AP1M2: variants seen among roughly 807,000 people sequenced by gnomAD.
AP1M2 encodes AP-1 complex subunit mu-2.
A neutral mutation model predicts 54.6 loss-of-function variants in AP1M2; 41 were observed. The observed-to-expected ratio is 0.75, with a 90% CI of 0.59 to 0.97. AP1M2 has a LOEUF of 0.97. Among genes scored for constraint, AP1M2 ranks in the 50% least tolerant of loss-of-function variants. The pLI is 0.00. For missense variants in AP1M2, 507 were observed against 561.2 expected (o/e 0.90, Z 0.98); for synonymous variants, 219 against 215.9 (o/e 1.01, Z -0.13).
At position 10,583,947 on chromosome 19, in the gene AP1M2, G is replaced by A. The variant is rs764434643; in HGVS notation, c.166C>T (p.His56Tyr). Residue 56 changes from histidine to tyrosine, a missense_variant, in exon 2 of 12, where the codon CAC (histidine) becomes TAC (tyrosine). By Grantham distance (83) the His-to-Tyr change is moderately conservative. Transcript: ENST00000250244. The stretch of plus-strand genomic sequence containing the variant: ...TTGCTGTGTTTGATCCATAGGAAGT[G>A]GACCTGGCCGTGGCTCAGCAGCGGG... ...LAPLLSHGQV[H>Y]FLWIKHSNLY... is the part of the protein sequence containing the mutation. 6 of 1,601,890 alleles carry A rather than the reference G, an allele frequency of 3.7e-6. No individual in the cohort carries two copies. The highest frequency in any genetic ancestry group is 5.1e-6 in the Non-Finnish European group (6 of 1,174,488).
chr19:10,579,012 CTTCTT>C, intron 7 of AP1M2, 49 bp from the exon 8 acceptor site: 1 of 930,736 alleles, frequency 1.1e-6, no homozygotes. Context: ...TGTTGACTCT[CTTCTT>C]TTTTTTTTTT....
At position 10,579,807 on chromosome 19, in the gene AP1M2, A is replaced by G. The variant is rs527481947; in HGVS notation, c.725T>C (p.Val242Ala). Residue 242 changes from valine (V) to alanine (A), a missense_variant, in exon 7 of 12, where the codon GTG (valine) becomes GCG (alanine). Coordinates refer to ENST00000250244, the MANE Select transcript of AP1M2 (RefSeq NM_005498.5). ...ELEDVKFHQCVRLSRFDNDRT... is the reference protein window; with the variant it reads ...ELEDVKFHQCARLSRFDNDRT... Reference sequence around the variant, plus strand: ...GTCGTTGTCAAAGCGAGAGAGCCGCACGCACTGGTGGAATTTTACATCCTC... The same window carrying G: ...GTCGTTGTCAAAGCGAGAGAGCCGCGCGCACTGGTGGAATTTTACATCCTC... The G allele has an allele frequency of 6.2e-7, 1 of 1,613,572 alleles. No individual in the cohort carries two copies. Among genetic ancestry groups the G allele is most frequent in the African/African-American group, 1.3e-5 (1 of 75,016 alleles).
chr19:10,585,673 G>A (rs915358369), intron 1 of AP1M2, among the ~76,000 whole-genome samples: 1 of 151,398 alleles, frequency 6.6e-6, no homozygotes, highest in South Asian at 2.1e-4. Context: ...GTGACAGAGC[G>A]AGACTCCATC....
intron 1 of AP1M2, among the ~76,000 whole-genome samples, chr19:10,586,094 C>T (rs1047272267): frequency 1.4e-4 from 21 of 152,018 alleles, no homozygotes; most frequent in African/African-American, 4.6e-4. Flanking sequence ...CCATCCTGCC[C>T]AACATGGTGA....
intron 8 of AP1M2, among the ~76,000 whole-genome samples, chr19:10,578,633 C>T (rs1303889975): frequency 6.6e-6 from 1 of 151,844 alleles, no homozygotes; most frequent in Non-Finnish European, 1.5e-5. Context: ...CTCACTACAA[C>T]CTCCTCCTCC....
At chr19:10,586,649 G>A (rs986837395) in intron 1 of AP1M2, among the ~76,000 whole-genome samples, 1 of 151,930 alleles carries the variant, frequency 6.6e-6, no homozygotes, top group African/African-American at 2.4e-5. Flanking sequence ...CAGGAGGATC[G>A]CTTGAGCCCA....
chr19:10,586,342 C>G (rs1917653737), intron 1 of AP1M2, among the ~76,000 whole-genome samples: 1 of 145,880 alleles, frequency 6.9e-6, no homozygotes, highest in South Asian at 2.2e-4. Context: ...GTAGTCCCAG[C>G]TACTCGGGAG....
At chr19:10,580,000 T>C in intron 6 of AP1M2, 142 bp from the exon 7 acceptor site, 1 of 704,640 alleles carries the variant, frequency 1.4e-6, no homozygotes, top group Non-Finnish European at 2.2e-6. Context: ...ACTGGCACAG[T>C]AGAGCTGGAA....
Position 10,583,978 on chromosome 19 carries a change from G to A in AP1M2, c.135C>T (p.Ala45=), listed in dbSNP as rs1295742876. 2 of 1,605,528 alleles carry A rather than the reference G, an allele frequency of 1.2e-6. No homozygotes were observed. The highest frequency in any genetic ancestry group is 8.5e-7 in the Non-Finnish European group (1 of 1,176,268). The part of the protein sequence containing the change: ...PLLVQREEEG[A]LAPLLSHGQV... ...GGCCGTGGCTCAGCAGCGGGGCCAG[G>A]GCGCCTTCCTCCTCCCGCTGTACCA... Residue 45 remains alanine (A), a synonymous_variant, in exon 2 of 12, where the codon GCC becomes GCT. Coordinates refer to ENST00000250244, the MANE Select transcript of AP1M2 (RefSeq NM_005498.5).
Position 10,575,014 on chromosome 19 carries a change from A to G in AP1M2, c.1063T>C (p.Leu355=), listed in dbSNP as rs764217218. The change falls in exon 10 of 12, where the codon TTG becomes CTG. Residue 355 remains leucine (L), a synonymous_variant. Transcript: ENST00000250244. Reference sequence around the variant, plus strand: ...GGGAGGCCAAAGTGGGCTCGCATCAAGTACTCCTTGCCCCCCTGAGGGAAC... The same window carrying G: ...GGGAGGCCAAAGTGGGCTCGCATCAGGTACTCCTTGCCCCCCTGAGGGAAC... ...IKSFPGGKEY[L]MRAHFGLPSV... 1.3e-6 allele frequency: 2 copies of G among 1,531,356 alleles called. No homozygotes were observed. Among genetic ancestry groups the G allele is most frequent in the South Asian group, 2.5e-5 (2 of 80,196 alleles). The allele number at this position is 1,531,356 out of a possible 1,614,324, so 94.9% of individuals were successfully genotyped here.
intron 2 of AP1M2, 110 bp downstream of exon 2, chr19:10,583,804 G>T: frequency 6.7e-7 from 1 of 1,494,748 alleles, no homozygotes; most frequent in Non-Finnish European, 9.1e-7. Context: ...CTAAGCCACA[G>T]AGATGTGCGG....
intron 1 of AP1M2, among the ~76,000 whole-genome samples, chr19:10,585,320 A>AAAGAAAGAAAG (rs1917615988): frequency 7.1e-6 from 1 of 141,382 alleles, no homozygotes; most frequent in African/African-American, 2.5e-5. Flanking sequence ...AGAAAGAAAG[A>AAAGAAAGAAAG]AAGAAAGAAA....
At chr19:10,576,557 C>A (rs910485580) in intron 9 of AP1M2, among the ~76,000 whole-genome samples, 3 of 151,822 alleles carry the variant, frequency 2.0e-5, no homozygotes, top group African/African-American at 7.3e-5. Flanking sequence ...CCACCGTGCC[C>A]TGCCCTAATT....
intron 10 of AP1M2, 108 bp from the exon 11 acceptor site, chr19:10,574,600 C>A (rs991562800): frequency 2.1e-6 from 2 of 959,052 alleles, no homozygotes; most frequent in Non-Finnish European, 3.1e-6. Flanking sequence ...AGGCTGGGAT[C>A]GATGAGGGGA....
Position 10,577,179 on chromosome 19 carries a change from G to T in AP1M2, c.1047+19C>A. On this transcript the variant is annotated intron_variant, in intron 9 of 11. Coordinates refer to ENST00000250244, the MANE Select transcript of AP1M2 (RefSeq NM_005498.5). ...AGTCCCCTCCACCCCCAGATCCCCC[G>T]CCAGTCCCTGGTACTTACCGGGAAA... is the stretch of plus-strand genomic sequence containing the variant. The T allele has an allele frequency of 1.4e-6, 2 of 1,458,512 alleles. No individual in the cohort carries two copies. The highest frequency in any genetic ancestry group is 1.9e-6 in the Non-Finnish European group (2 of 1,071,474). The allele number at this position is 1,458,512 out of a possible 1,614,324, so 90.3% of individuals were successfully genotyped here.
chr19:10,574,774 G>A lies in AP1M2; in HGVS notation c.1173+130C>T. On this transcript the variant is annotated intron_variant, in intron 10 of 11. Coordinates refer to ENST00000250244, the MANE Select transcript of AP1M2 (RefSeq NM_005498.5). ...GGCAGATAAAGGTAACATTGCTCTG[G>A]GAAAGACCAGGCAGCCTTCAGAGGA... 6 of 1,278,274 alleles carry A rather than the reference G, an allele frequency of 4.7e-6. No individual in the cohort carries two copies. In the South Asian group the frequency reaches 9.4e-5, roughly 20 times the overall value. The allele number at this position is 1,278,274 out of a possible 1,614,324, so 79.2% of individuals were successfully genotyped here. A position where few individuals can be genotyped will look rare whatever the true frequency, so the allele number is the denominator to read the frequency against.
chr19:10,582,449 CCT>C (rs1394121329), intron 3 of AP1M2, among the ~76,000 whole-genome samples: 5 of 152,044 alleles, frequency 3.3e-5, no homozygotes, highest in South Asian at 2.1e-4. Context: ...AGAATAAGCC[CCT>C]GTCTCAAAAA....
chr19:10,576,840 G>C (rs1917251320), intron 9 of AP1M2, among the ~76,000 whole-genome samples: 1 of 152,010 alleles, frequency 6.6e-6, no homozygotes. Flanking sequence ...CCGAGTGGCT[G>C]GGATTACAGG....
In AP1M2 at chr19:10,584,066, A is replaced by G. The variant is rs780543768; in HGVS notation, c.47T>C (p.Leu16Ser). The change falls in exon 2 of 12, where the codon TTG (leucine) becomes TCG (serine). Residue 16 changes from leucine (L) to serine (S), a missense_variant. By Grantham distance (145) the Leu-to-Ser change is moderately radical (BLOSUM62 -2). Transcript: ENST00000250244. ...ATCGCCCTTGTAGTTGCGGCTGATC[A>G]ATGGCTGAGGGTGGAAGGAAAGGAC... ...VFILDVKGKPLISRNYKGDVA... is the reference protein window; with the variant it reads ...VFILDVKGKPSISRNYKGDVA... 14 of 1,609,296 alleles carry G rather than the reference A, an allele frequency of 8.7e-6. No homozygotes were observed. Among genetic ancestry groups the G allele is most frequent in the Non-Finnish European group, 1.2e-5 (14 of 1,178,106 alleles).
Sources: gnomAD v4.1 joint callset for allele counts (sites outside exome capture counted in the v4.1 genomes callset) on GRCh38, gnomAD v4.1.1 for gene constraint, MANE v1.5 for transcripts, NCBI Gene and HGNC (gene_info 2026-07-23, HGNC 2026-07-21) for gene names.